EYS: variants seen among roughly 807,000 people sequenced by gnomAD.
EYS encodes protein eyes shut homolog.
In EYS, 250 loss-of-function variants were observed where a neutral mutation model predicts 282.1. The observed-to-expected ratio is 0.89, with a 90% CI of 0.80 to 0.98. EYS has a LOEUF of 0.98. Among genes scored for constraint, EYS ranks in the 50% least tolerant of loss-of-function variants. The pLI is 0.00. For synonymous variants in EYS, 1,355 were observed against 1,282.9 expected, an observed-to-expected ratio of 1.06 and a Z score of -1.20; for missense variants, 4,016 against 3,709.0, an observed-to-expected ratio of 1.08 and a Z score of -2.15.
intron 7 of EYS, among the ~76,000 whole-genome samples, chr6:65,398,456 C>T (rs531554075): frequency 8.6e-4 from 131 of 151,686 alleles, no homozygotes; most frequent in Non-Finnish European, 1.5e-3. Context: ...TATCTTTTAC[C>T]ATATTCAAAA....
intron 12 of EYS, among the ~76,000 whole-genome samples, chr6:65,237,942 T>C (rs1766967755): frequency 6.6e-6 from 1 of 152,012 alleles, no homozygotes; most frequent in African/African-American, 2.4e-5. Context: ...ATTAAGACAG[T>C]AAAAATTACT....
chr6:65,446,061 G>A lies in EYS; in HGVS notation c.863-40694C>T, dbSNP rs1016662792. On this transcript the variant is annotated intron_variant, in intron 5 of 42. Coordinates refer to ENST00000503581, the MANE Select transcript of EYS (RefSeq NM_001142800.2). ...AGAGGTTTTTTTAATCAATCATAGC[G>A]AAATATTTTCAAAAACTCAGTGACT... 5.3e-5 allele frequency among the ~76,000 whole-genome samples: 8 copies of A among 151,434 alleles called. No homozygotes were observed. The East Asian group carries it at 7.8e-4, about 15-fold the overall frequency.
intron 12 of EYS, among the ~76,000 whole-genome samples, chr6:65,246,775 A>T (rs1030806481): frequency 2.6e-5 from 4 of 152,234 alleles, no homozygotes; most frequent in Admixed American, 6.5e-5. Flanking sequence ...AAAAACTTTT[A>T]AAACAACAAA....
chr6:64,254,996 A>T (rs1293716971), intron 30 of EYS, among the ~76,000 whole-genome samples: 1 of 152,136 alleles, frequency 6.6e-6, no homozygotes, highest in Non-Finnish European at 1.5e-5. Context: ...TTTGTAATGT[A>T]AGTGTAAAAC....
intron 7 of EYS, among the ~76,000 whole-genome samples, chr6:65,386,315 T>C (rs1765802273): frequency 1.3e-5 from 2 of 151,848 alleles, no homozygotes; most frequent in Non-Finnish European, 2.9e-5. Context: ...CTAGGCTTAA[T>C]ACCTGGATGA....
intron 22 of EYS, among the ~76,000 whole-genome samples, chr6:64,685,653 C>G (rs1749593668): frequency 3.9e-5 from 6 of 152,154 alleles, no homozygotes; most frequent in African/African-American, 1.4e-4. Context: ...GCTAGAAGTT[C>G]AAGCTTCCAG....
intron 28 of EYS, among the ~76,000 whole-genome samples, chr6:64,411,022 A>T (rs1053432936): frequency 3.9e-5 from 6 of 152,108 alleles, no homozygotes; most frequent in Admixed American, 2.0e-4. Flanking sequence ...GACTGTTTTA[A>T]GTCTTTAGAA....
Position 65,006,158 on chromosome 6 carries a change from C to T in EYS, c.2138-8455G>A, listed in dbSNP as rs556002185. 6.6e-5 allele frequency among the ~76,000 whole-genome samples: 10 copies of T among 151,870 alleles called. 1 individual carries two copies. In the South Asian group the frequency reaches 1.7e-3, roughly 25 times the overall value. ...GTTACGTGGGACCCGTTCCCCACCA[C>T]CTGTGCCAGGGCCCCAAGTTTGTAA... On this transcript the variant is annotated intron_variant, in intron 13 of 42. Coordinates refer to ENST00000503581, the MANE Select transcript of EYS (RefSeq NM_001142800.2).
intron 36 of EYS, among the ~76,000 whole-genome samples, chr6:63,844,203 G>T (rs1241386561): frequency 6.6e-6 from 1 of 152,158 alleles, no homozygotes; most frequent in Non-Finnish European, 1.5e-5. Context: ...TTTTATGGCT[G>T]CATAGTAGCC....
chr6:65,083,862 G>C (rs944022810), intron 12 of EYS, among the ~76,000 whole-genome samples: 1 of 151,518 alleles, frequency 6.6e-6, no homozygotes, highest in Non-Finnish European at 1.5e-5. Flanking sequence ...TAATCTGAAG[G>C]TGATAATTTT....
At chr6:63,954,071 C>T (rs1765711232) in intron 35 of EYS, among the ~76,000 whole-genome samples, 1 of 152,202 alleles carries the variant, frequency 6.6e-6, no homozygotes. Context: ...GTTGAGTCTC[C>T]CACAATTACC....
At chr6:64,846,280 T>A (rs908444487) in intron 19 of EYS, among the ~76,000 whole-genome samples, 5 of 152,184 alleles carry the variant, frequency 3.3e-5, no homozygotes, top group African/African-American at 7.2e-5. Context: ...AAAATGTGTG[T>A]TCTGCAGGGA....
chr6:65,495,317 A>T lies in EYS; in HGVS notation c.94T>A (p.Trp32Arg), dbSNP rs770999642. Residue 32 changes from tryptophan (W) to arginine (R), a missense_variant, in exon 4 of 43, where the codon TGG (tryptophan) becomes AGG (arginine). Coordinates refer to ENST00000503581, the MANE Select transcript of EYS (RefSeq NM_001142800.2). Reference protein sequence around the residue: ...KTCRRQLVEEWHPQPSSYVVN... With the variant: ...KTCRRQLVEERHPQPSSYVVN... ...ACATATGATGAGGGTTGTGGATGCC[A>T]TTCTTCCACCAATTGCCGTCTACAT... is the stretch of plus-strand genomic sequence containing the variant. 6.2e-7 allele frequency: 1 copy of T among 1,614,060 alleles called. No homozygotes were observed. Among genetic ancestry groups the T allele is most frequent in the Non-Finnish European group, 8.5e-7 (1 of 1,180,002 alleles).
intron 5 of EYS, among the ~76,000 whole-genome samples, chr6:65,413,430 G>A (rs1277649706): frequency 6.6e-6 from 1 of 152,086 alleles, no homozygotes; most frequent in Non-Finnish European, 1.5e-5. Flanking sequence ...AATAAATGAT[G>A]TTAAGAAAAA....
chr6:64,035,491 C>T (rs1441770482), intron 33 of EYS, among the ~76,000 whole-genome samples: 2 of 152,226 alleles, frequency 1.3e-5, no homozygotes, highest in African/African-American at 4.8e-5. Flanking sequence ...GAAATCAGAG[C>T]CAGGTCTTGC....
At chr6:64,894,327 C>T (rs1375264770) in intron 18 of EYS, among the ~76,000 whole-genome samples, 1 of 152,160 alleles carries the variant, frequency 6.6e-6, no homozygotes, top group East Asian at 1.9e-4. Context: ...ATTGGATATG[C>T]TTGACAATTA....
chr6:65,322,450 A>C (rs917379392), intron 11 of EYS, among the ~76,000 whole-genome samples: 2 of 152,298 alleles, frequency 1.3e-5, no homozygotes, highest in African/African-American at 4.8e-5. Context: ...AGGCTCAGCC[A>C]CTGGGGCTGG....
At chr6:63,853,624 A>G (rs1240608165) in intron 36 of EYS, among the ~76,000 whole-genome samples, 1 of 152,214 alleles carries the variant, frequency 6.6e-6, no homozygotes, top group Non-Finnish European at 1.5e-5. Context: ...ACAGAATTAG[A>G]AAAACCTACT....
At chr6:64,175,870 A>G (rs1420247895) in intron 31 of EYS, among the ~76,000 whole-genome samples, 3 of 152,292 alleles carry the variant, frequency 2.0e-5, no homozygotes, top group African/African-American at 4.8e-5. Context: ...CAAAACAGAC[A>G]GATATTCTTG....
Sources: gnomAD v4.1 joint callset for allele counts (sites outside exome capture counted in the v4.1 genomes callset) on GRCh38, gnomAD v4.1.1 for gene constraint, MANE v1.5 for transcripts, NCBI Gene and HGNC (gene_info 2026-07-23, HGNC 2026-07-21) for gene names.